EPHA6: variants seen among roughly 807,000 people sequenced by gnomAD.
EPHA6 encodes the protein EPH receptor A6.
Under a neutral mutation model 112.0 loss-of-function variants are expected in EPHA6, and 50 were observed. The observed-to-expected ratio is 0.45, with a 90% CI of 0.36 to 0.56. EPHA6 has a LOEUF of 0.56. Among genes scored for constraint, EPHA6 ranks in the 20% least tolerant of loss-of-function variants. The probability of loss-of-function intolerance (pLI) is 0.00; values close to 1 mark genes in which losing one functional copy is unlikely to be tolerated. For synonymous variants in EPHA6, 529 were observed against 490.7 expected (o/e 1.08, Z -1.03); for missense variants, 1,280 against 1,417.4 (o/e 0.90, Z 1.56).
At chr3:97,710,798 A>C (rs1241391755) in intron 14 of EPHA6, among the ~76,000 whole-genome samples, 4 of 152,166 alleles carry the variant, frequency 2.6e-5, no homozygotes, top group Non-Finnish European at 5.9e-5. Context: ...GCACCCCAGG[A>C]TTTATGAGAA....
chr3:97,602,717 C>T (rs182195266), intron 12 of EPHA6, among the ~76,000 whole-genome samples: 2 of 152,148 alleles, frequency 1.3e-5, no homozygotes, highest in East Asian at 3.9e-4. Flanking sequence ...CAGTGCCTAG[C>T]ACATTGAAGA....
At chr3:97,145,257 CAA>C (rs2076011251) in intron 3 of EPHA6, among the ~76,000 whole-genome samples, 1 of 151,262 alleles carries the variant, frequency 6.6e-6, no homozygotes, top group Non-Finnish European at 1.5e-5. Flanking sequence ...AGTTTTAACA[CAA>C]GAGAACTTAC....
At chr3:97,471,176 C>T (rs546826320) in intron 7 of EPHA6, among the ~76,000 whole-genome samples, 8 of 151,790 alleles carry the variant, frequency 5.3e-5, no homozygotes, top group Admixed American at 3.9e-4. Context: ...TTTAAATAAA[C>T]CAAACTAATG....
chr3:97,340,499 A>T (rs1031855215), intron 5 of EPHA6, among the ~76,000 whole-genome samples: 1 of 152,196 alleles, frequency 6.6e-6, no homozygotes, highest in Admixed American at 6.6e-5. Context: ...GAAGCACAGA[A>T]GCGTCAATCG....
chr3:97,441,753 G>A (rs971760062), intron 6 of EPHA6, among the ~76,000 whole-genome samples: 1 of 151,954 alleles, frequency 6.6e-6, no homozygotes, highest in African/African-American at 2.4e-5. Context: ...AGTGGTCATT[G>A]CTAGTATACA....
At chr3:96,975,609 T>G (rs918209989) in intron 2 of EPHA6, among the ~76,000 whole-genome samples, 2 of 152,208 alleles carry the variant, frequency 1.3e-5, no homozygotes, top group African/African-American at 4.8e-5. Context: ...TAAGGATCAT[T>G]ACATCCAAGG....
chr3:97,133,780 G>A (rs2075697886), intron 3 of EPHA6, among the ~76,000 whole-genome samples: 1 of 151,902 alleles, frequency 6.6e-6, no homozygotes, highest in Non-Finnish European at 1.5e-5. Flanking sequence ...AATATCATAT[G>A]AATCCCTATA....
chr3:97,091,320 C>G (rs143817046), intron 3 of EPHA6, among the ~76,000 whole-genome samples: 1 of 152,072 alleles, frequency 6.6e-6, no homozygotes, highest in Non-Finnish European at 1.5e-5. Flanking sequence ...AATATTAAGA[C>G]CTACTATGGA....
At chr3:96,830,242 G>T (rs904258570) in intron 1 of EPHA6, among the ~76,000 whole-genome samples, 3 of 151,896 alleles carry the variant, frequency 2.0e-5, no homozygotes, top group African/African-American at 7.3e-5. Context: ...ATAACATCAG[G>T]TCTTTGTGCT....
At chr3:97,166,740 T>A (rs959656543) in intron 3 of EPHA6, among the ~76,000 whole-genome samples, 8 of 152,114 alleles carry the variant, frequency 5.3e-5, no homozygotes, top group African/African-American at 1.9e-4. Flanking sequence ...CATAACAATG[T>A]TTTGTTTCTT....
intron 13 of EPHA6, among the ~76,000 whole-genome samples, chr3:97,619,906 G>GA (rs1421993301): frequency 2.0e-5 from 3 of 152,028 alleles, no homozygotes; most frequent in Non-Finnish European, 4.4e-5. Context: ...CACAGAACTA[G>GA]AAAAAACTAT....
At chr3:96,876,942 A>T (rs2036993550) in intron 2 of EPHA6, among the ~76,000 whole-genome samples, 3 of 152,030 alleles carry the variant, frequency 2.0e-5, no homozygotes, top group Admixed American at 2.0e-4. Context: ...ATCTCACAAT[A>T]CTTAAATGTC....
At chr3:96,942,410 G>A (rs1231937702) in intron 2 of EPHA6, among the ~76,000 whole-genome samples, 4 of 152,074 alleles carry the variant, frequency 2.6e-5, no homozygotes, top group South Asian at 2.1e-4. Context: ...AGGACCCTCC[G>A]AGCTAGGTGT....
chr3:97,258,292 G>C (rs2079384997), intron 5 of EPHA6, among the ~76,000 whole-genome samples: 1 of 151,044 alleles, frequency 6.6e-6, no homozygotes, highest in South Asian at 2.1e-4. Context: ...CATACACACA[G>C]ACACACACAC....
At chr3:96,971,594 G>T (rs1425800602) in intron 2 of EPHA6, among the ~76,000 whole-genome samples, 1 of 144,412 alleles carries the variant, frequency 6.9e-6, no homozygotes, top group African/African-American at 2.8e-5. Context: ...AAGTGACTAA[G>T]TAGTTCTGAG....
At chr3:97,301,920 A>G (rs2081108965) in intron 5 of EPHA6, among the ~76,000 whole-genome samples, 1 of 152,104 alleles carries the variant, frequency 6.6e-6, no homozygotes, top group South Asian at 2.1e-4. Context: ...TTGAAGCCGC[A>G]TCACCTAGCA....
intron 2 of EPHA6, among the ~76,000 whole-genome samples, chr3:96,882,734 G>GTGTGTGTC (rs1057334804): frequency 7.6e-6 from 1 of 131,620 alleles, no homozygotes; most frequent in African/African-American, 3.5e-5. Context: ...GTGTGTCTGT[G>GTGTGTGTC]TGTGTGTGTG....
intron 2 of EPHA6, among the ~76,000 whole-genome samples, chr3:96,906,494 C>T (rs1283572472): frequency 1.3e-5 from 2 of 152,098 alleles, no homozygotes; most frequent in African/African-American, 2.4e-5. Flanking sequence ...GTCTTGAACA[C>T]TCTTCCAACA....
At chr3:97,141,905 C>T (rs2075916373) in intron 3 of EPHA6, among the ~76,000 whole-genome samples, 1 of 151,956 alleles carries the variant, frequency 6.6e-6, no homozygotes, top group Admixed American at 6.6e-5. Flanking sequence ...TGATTTGCCC[C>T]AGAATACTTG....
Sources: allele counts gnomAD v4.1 joint callset (sites outside exome capture counted in the v4.1 genomes callset), GRCh38; gene constraint gnomAD v4.1.1; transcripts MANE v1.5; gene names NCBI Gene and HGNC (gene_info 2026-07-23, HGNC 2026-07-21).